CFAP299: variants seen among roughly 807,000 people sequenced by gnomAD.
CFAP299 encodes cilia- and flagella-associated protein 299.
In CFAP299, 21 loss-of-function variants were observed where a neutral mutation model predicts 27.0. The observed-to-expected ratio is 0.78, with a 90% CI of 0.55 to 1.12. The LOEUF (loss-of-function observed/expected upper bound fraction) is 1.12, where lower values mean the gene tolerates loss of function less well. Among genes scored for constraint, CFAP299 ranks in the 50% most tolerant of loss-of-function variants. The pLI, the probability that CFAP299 is intolerant of heterozygous loss-of-function variation, is 0.00. For synonymous variants in CFAP299, 104 were observed against 98.1 expected (o/e 1.06, Z -0.36); for missense variants, 310 against 276.6 (o/e 1.12, Z -0.86).
chr4:80,342,891 A>AAGAGTCATG (rs1300280442), intron 1 of CFAP299, among the ~76,000 whole-genome samples: 1 of 152,202 alleles, frequency 6.6e-6, no homozygotes, highest in Admixed American at 6.5e-5. Context: ...AATCTGGATA[A>AAGAGTCATG]AGAGTCATGA....
intron 3 of CFAP299, among the ~76,000 whole-genome samples, chr4:80,799,856 A>AAT (rs1184610215): frequency 2.6e-4 from 7 of 27,266 alleles, no homozygotes; most frequent in Non-Finnish European, 3.1e-4. Context: ...ATAATATATA[A>AAT]ATATATATTA....
intron 4 of CFAP299, among the ~76,000 whole-genome samples, chr4:80,909,890 A>C (rs1009437573): frequency 6.6e-6 from 1 of 152,148 alleles, no homozygotes; most frequent in African/African-American, 2.4e-5. Flanking sequence ...TAGCCAAATA[A>C]CTAAATTTTT....
intron 2 of CFAP299, among the ~76,000 whole-genome samples, chr4:80,432,953 C>T (rs1373214133): frequency 6.6e-6 from 1 of 152,044 alleles, no homozygotes; most frequent in Non-Finnish European, 1.5e-5. Flanking sequence ...ATTAAAAATA[C>T]CTCTCACCTT....
chr4:80,709,194 A>G lies in CFAP299; in HGVS notation c.333+126011A>G, dbSNP rs182243201. Among the ~76,000 whole-genome samples, 768 of 152,316 alleles carry G rather than the reference A, an allele frequency of 5.0e-3. 4 individuals carry two copies. The highest frequency in any genetic ancestry group is 0.02 in the Middle Eastern group (6 of 294). ...ACTAGAGAAACTCATTTTTCTTTTC[A>G]GAGTTTAGCTTTTTTATTCACCCAC... On this transcript the variant is annotated intron_variant, in intron 3 of 5. Transcript: ENST00000358105.
chr4:80,628,546 C>T (rs956926121), intron 3 of CFAP299, among the ~76,000 whole-genome samples: 1 of 152,176 alleles, frequency 6.6e-6, no homozygotes, highest in African/African-American at 2.4e-5. Context: ...AAAGAGACAA[C>T]GTGCAGAATG....
intron 2 of CFAP299, among the ~76,000 whole-genome samples, chr4:80,430,449 T>C (rs950573817): frequency 4.6e-5 from 7 of 152,356 alleles, no homozygotes; most frequent in Non-Finnish European, 8.8e-5. Flanking sequence ...TGGTTCCTCT[T>C]TATCCTCTGA....
the CFAP299 span, among the ~76,000 whole-genome samples, chr4:80,321,344 G>A: frequency 2.0e-5 from 3 of 152,000 alleles, no homozygotes; most frequent in Non-Finnish European, 4.4e-5. Context: ...CTTCTAGACA[G>A]CAAAGGACTG....
chr4:80,892,043 T>G (rs529885808), intron 4 of CFAP299, among the ~76,000 whole-genome samples: 6 of 152,014 alleles, frequency 3.9e-5, no homozygotes, highest in Non-Finnish European at 7.4e-5. Flanking sequence ...AGACCCAGAA[T>G]AGCCAAAGCT....
At chr4:80,904,775 A>G (rs1454337942) in intron 4 of CFAP299, among the ~76,000 whole-genome samples, 4 of 152,200 alleles carry the variant, frequency 2.6e-5, no homozygotes, top group Admixed American at 2.0e-4. Flanking sequence ...AAAATGATGT[A>G]TATTTACATA....
the CFAP299 span, among the ~76,000 whole-genome samples, chr4:80,322,954 A>G: frequency 5.4e-4 from 82 of 152,360 alleles, 1 homozygote; most frequent in African/African-American, 1.9e-3. Context: ...AGTGCCACCC[A>G]CAGGAAGTTG....
intron 2 of CFAP299, among the ~76,000 whole-genome samples, chr4:80,418,615 G>A (rs193181661): frequency 8.5e-5 from 13 of 152,064 alleles, no homozygotes; most frequent in East Asian, 1.9e-4. Flanking sequence ...CTGAGGCTTC[G>A]TATCCTTTGA....
chr4:80,807,146 T>C (rs1728904739), intron 3 of CFAP299, among the ~76,000 whole-genome samples: 1 of 152,120 alleles, frequency 6.6e-6, no homozygotes. Context: ...ATTTTTTTCT[T>C]TGAATATATA....
At chr4:80,584,861 G>A (rs1455607548) in intron 3 of CFAP299, among the ~76,000 whole-genome samples, 1 of 152,002 alleles carries the variant, frequency 6.6e-6, no homozygotes, top group East Asian at 1.9e-4. Context: ...ACAATGGGTG[G>A]CAAGTGCTTA....
chr4:80,909,295 C>T (rs542318884), intron 4 of CFAP299, among the ~76,000 whole-genome samples: 1 of 151,830 alleles, frequency 6.6e-6, no homozygotes, highest in South Asian at 2.1e-4. Flanking sequence ...TTAGTCTTTT[C>T]CAGAAGAGTT....
chr4:80,726,723 T>C (rs1242092276), intron 3 of CFAP299, among the ~76,000 whole-genome samples: 1 of 152,200 alleles, frequency 6.6e-6, no homozygotes, highest in Non-Finnish European at 1.5e-5. Context: ...ACTTAAACAT[T>C]GTGGGGACTG....
chr4:80,377,574 G>A (rs1724480603), intron 2 of CFAP299, among the ~76,000 whole-genome samples: 1 of 151,094 alleles, frequency 6.6e-6, no homozygotes, highest in Non-Finnish European at 1.5e-5. Flanking sequence ...TAAAATTCTG[G>A]TTCCCTTGCT....
rs569669006 is a variant in CFAP299, at chr4:80,930,184, T to C, written c.477-14626T>C. On this transcript the variant is annotated intron_variant, in intron 4 of 5. Coordinates refer to ENST00000358105, the MANE Select transcript of CFAP299 (RefSeq NM_152770.3). ...TTATGCCAATTTAATTAGGCCTCTA[T>C]AAAAACCCAAAGGGACAGGGTTCAA... Among the ~76,000 whole-genome samples, 23 of 152,230 alleles carry C rather than the reference T, an allele frequency of 1.5e-4. No individual in the cohort carries two copies. The East Asian group carries it at 3.9e-3, about 26-fold the overall frequency.
At chr4:80,554,934 G>A (rs1734713721) in intron 2 of CFAP299, among the ~76,000 whole-genome samples, 1 of 152,136 alleles carries the variant, frequency 6.6e-6, no homozygotes, top group Admixed American at 6.6e-5. Context: ...ATAGAATCAT[G>A]TCATCTGCAA....
At chr4:80,554,505 G>GTTTTTTT (rs869288835) in intron 2 of CFAP299, among the ~76,000 whole-genome samples, 9 of 108,720 alleles carry the variant, frequency 8.3e-5, no homozygotes, top group Admixed American at 1.9e-4. Context: ...TTTTCCACTA[G>GTTTTTTT]TTTTTTTTTT....
Sources: gnomAD v4.1 joint callset for allele counts (sites outside exome capture counted in the v4.1 genomes callset) on GRCh38, gnomAD v4.1.1 for gene constraint, MANE v1.5 for transcripts, NCBI Gene and HGNC (gene_info 2026-07-23, HGNC 2026-07-21) for gene names.